TENM3: variants seen among roughly 807,000 people sequenced by gnomAD.
The protein encoded by TENM3 is teneurin-3.
A neutral mutation model predicts 255.1 loss-of-function variants in TENM3; 63 were observed. The observed-to-expected ratio is 0.25, with a 90% CI of 0.20 to 0.30. The LOEUF is 0.30. Among genes scored for constraint, TENM3 ranks in the 10% least tolerant of loss-of-function variants. The probability of loss-of-function intolerance (pLI) is 1.00; values close to 1 mark genes in which losing one functional copy is unlikely to be tolerated. For missense variants in TENM3, 2,929 were observed against 3,461.1 expected (o/e 0.85, Z 3.86); for synonymous variants, 1,306 against 1,322.3 (o/e 0.99, Z 0.27).
At chr4:181,826,125 G>A in the TENM3 span, among the ~76,000 whole-genome samples, 90 of 152,100 alleles carry the variant, frequency 5.9e-4, no homozygotes, top group African/African-American at 2.0e-3. Context: ...AACTATAAAA[G>A]CATTCCAGTT....
chr4:181,704,011 G>A, the TENM3 span, among the ~76,000 whole-genome samples: 1 of 152,052 alleles, frequency 6.6e-6, no homozygotes, highest in Non-Finnish European at 1.5e-5. Context: ...CATTCTCCTT[G>A]GTCTTCTCTG....
chr4:181,917,764 T>C, the TENM3 span, among the ~76,000 whole-genome samples: 37 of 150,864 alleles, frequency 2.5e-4, 1 homozygote, highest in Admixed American at 2.3e-3. Flanking sequence ...CAGGTTCAAG[T>C]GATTCTCATG....
chr4:182,223,372 A>G (rs753040148), intron 1 of TENM3, among the ~76,000 whole-genome samples: 64 of 152,162 alleles, frequency 4.2e-4, no homozygotes, highest in Admixed American at 6.6e-5. Context: ...TCAAAATTAT[A>G]TACCACTTTT....
chr4:182,352,243 C>T (rs1017554068), intron 3 of TENM3, among the ~76,000 whole-genome samples: 2 of 152,068 alleles, frequency 1.3e-5, no homozygotes, highest in African/African-American at 4.8e-5. Flanking sequence ...CATTTATTGA[C>T]TCTCTTATTT....
chr4:182,169,722 G>A (rs1198383935), intron 1 of TENM3, among the ~76,000 whole-genome samples: 1 of 152,010 alleles, frequency 6.6e-6, no homozygotes, highest in African/African-American at 2.4e-5. Flanking sequence ...GACCTCTCCT[G>A]TGGGGGTTAA....
intron 3 of TENM3, among the ~76,000 whole-genome samples, chr4:182,465,687 T>G (rs1398261274): frequency 6.6e-6 from 1 of 152,278 alleles, no homozygotes; most frequent in East Asian, 1.9e-4. Context: ...TAATAAGTAT[T>G]TACTGAGTAC....
chr4:182,100,816 T>TACAC, the TENM3 span, among the ~76,000 whole-genome samples: 20 of 9,764 alleles, frequency 2.0e-3, 2 homozygotes, highest in African/African-American at 6.0e-3. Flanking sequence ...TACACATATA[T>TACAC]ATACACATAT....
the TENM3 span, among the ~76,000 whole-genome samples, chr4:181,781,888 TG>T: frequency 6.6e-6 from 1 of 152,216 alleles, no homozygotes. Flanking sequence ...ATGTGGTTTT[TG>T]TCTTTGGTTC....
intron 4 of TENM3, among the ~76,000 whole-genome samples, chr4:182,626,816 A>T (rs1319047008): frequency 6.6e-6 from 1 of 152,182 alleles, no homozygotes; most frequent in Non-Finnish European, 1.5e-5. Context: ...ATCTGTTCTA[A>T]TTTTGTGTTT....
the TENM3 span, among the ~76,000 whole-genome samples, chr4:181,968,651 AG>A: frequency 1.3e-5 from 2 of 152,198 alleles, no homozygotes; most frequent in Non-Finnish European, 2.9e-5. Context: ...TGTTACCTAT[AG>A]TTCATCATTA....
chr4:182,667,588 A>G (rs1754810396), intron 6 of TENM3, among the ~76,000 whole-genome samples: 1 of 152,200 alleles, frequency 6.6e-6, no homozygotes, highest in Non-Finnish European at 1.5e-5. Flanking sequence ...TCCCTGCTCT[A>G]GGTAGAGAGG....
intron 3 of TENM3, among the ~76,000 whole-genome samples, chr4:182,356,620 C>T (rs1442436827): frequency 6.6e-6 from 1 of 152,024 alleles, no homozygotes; most frequent in Non-Finnish European, 1.5e-5. Flanking sequence ...AGCGTCTGAC[C>T]TCTGAGAATC....
chr4:181,905,527 A>G, the TENM3 span, among the ~76,000 whole-genome samples: 1 of 139,608 alleles, frequency 7.2e-6, no homozygotes, highest in African/African-American at 2.6e-5. Flanking sequence ...GCAGATAATG[A>G]GCTGAGCTTT....
the TENM3 span, among the ~76,000 whole-genome samples, chr4:181,537,591 C>A: frequency 6.6e-6 from 1 of 152,136 alleles, no homozygotes; most frequent in African/African-American, 2.4e-5. Context: ...TATTATATTC[C>A]AAGTACTATG....
chr4:182,586,725 A>G (rs1746053767), intron 3 of TENM3, among the ~76,000 whole-genome samples: 1 of 152,196 alleles, frequency 6.6e-6, no homozygotes, highest in Non-Finnish European at 1.5e-5. Flanking sequence ...GATAATACAT[A>G]TCTCTGCCTA....
At chr4:182,385,931 T>C (rs1767887308) in intron 3 of TENM3, among the ~76,000 whole-genome samples, 1 of 152,202 alleles carries the variant, frequency 6.6e-6, no homozygotes, top group Non-Finnish European at 1.5e-5. Flanking sequence ...CAAACTACAT[T>C]TTAAAAATTG....
chr4:182,308,047 T>G (rs577991776), intron 1 of TENM3, among the ~76,000 whole-genome samples: 3 of 152,208 alleles, frequency 2.0e-5, no homozygotes, highest in Non-Finnish European at 4.4e-5. Flanking sequence ...CTAGGTCCAT[T>G]TTAATCCTCT....
At chr4:182,720,587 T>G (rs1165425634) in intron 13 of TENM3, among the ~76,000 whole-genome samples, 2 of 152,146 alleles carry the variant, frequency 1.3e-5, no homozygotes, top group African/African-American at 4.8e-5. Flanking sequence ...CACAGAATTT[T>G]AGAGGATAGT....
intron 22 of TENM3, among the ~76,000 whole-genome samples, chr4:182,768,153 C>A (rs1763881578): frequency 6.6e-6 from 1 of 152,226 alleles, no homozygotes; most frequent in African/African-American, 2.4e-5. Context: ...AGAATGACTT[C>A]TCTGCCCTGG....
Sources: allele counts gnomAD v4.1 joint callset (sites outside exome capture counted in the v4.1 genomes callset), GRCh38; gene constraint gnomAD v4.1.1; transcripts MANE v1.5; gene names NCBI Gene and HGNC (gene_info 2026-07-23, HGNC 2026-07-21).